CRB1: variants seen among roughly 807,000 people sequenced by gnomAD.
The protein encoded by CRB1 is protein crumbs homolog 1.
CRB1 carries 83 observed loss-of-function variants against 120.0 expected under a neutral mutation model. The ratio of observed to expected loss-of-function variants is 0.69; its 90% CI spans 0.58 to 0.83. CRB1 has a LOEUF of 0.83. Among genes scored for constraint, CRB1 ranks in the 40% least tolerant of loss-of-function variants. The pLI, the probability that CRB1 is intolerant of heterozygous loss-of-function variation, is 0.00. For missense variants in CRB1, 1,699 were observed against 1,687.6 expected (o/e 1.01, Z -0.12); for synonymous variants, 625 against 612.5 (o/e 1.02, Z -0.30).
chr1:197,380,104 C>T (rs904664570), intron 5 of CRB1, among the ~76,000 whole-genome samples: 3 of 152,180 alleles, frequency 2.0e-5, no homozygotes, highest in African/African-American at 7.2e-5. Context: ...AGATTTTCTA[C>T]TTAACACCTC....
At chr1:197,205,166 A>G in the CRB1 span, among the ~76,000 whole-genome samples, 1 of 152,144 alleles carries the variant, frequency 6.6e-6, no homozygotes, top group Non-Finnish European at 1.5e-5. Flanking sequence ...TTTTGGAGTA[A>G]TGTGTAGGGT....
rs966755966 is a variant in CRB1 at position 197,388,751 on chromosome 1, A to C, written c.1171+31738A>C. ...AAATGCTTCATGAGAGAATTGCTAC[A>C]TTTCTTTATTTTTAAAATGAAATTA... On this transcript the variant is annotated intron_variant, in intron 5 of 11. Coordinates refer to ENST00000367400, the MANE Select transcript of CRB1 (RefSeq NM_201253.3). Among the ~76,000 whole-genome samples, 7 of 152,106 alleles carry C rather than the reference A, an allele frequency of 4.6e-5. 1 individual carries two copies. Among genetic ancestry groups the C allele is most frequent in the Admixed American group, 4.6e-4 (7 of 15,264 alleles).
At chr1:197,399,007 G>C (rs776121539) in intron 5 of CRB1, among the ~76,000 whole-genome samples, 6 of 151,420 alleles carry the variant, frequency 4.0e-5, no homozygotes, top group Admixed American at 3.9e-4. Context: ...CAGAAGTAAA[G>C]AAGGATTCAA....
chr1:197,463,540 G>T (rs182336214), intron 11 of CRB1, among the ~76,000 whole-genome samples: 1 of 152,138 alleles, frequency 6.6e-6, no homozygotes, highest in African/African-American at 2.4e-5. Context: ...TAGATTTGGG[G>T]TTACATTTAT....
chr1:197,263,228 G>A (rs1366831855), upstream of CRB1, among the ~76,000 whole-genome samples: 1 of 152,120 alleles, frequency 6.6e-6, no homozygotes, highest in Non-Finnish European at 1.5e-5. Flanking sequence ...CTTTCTGACT[G>A]GTGTGAGATG....
rs189651617 is a variant in CRB1 at position 197,394,501 on chromosome 1, C to G, written c.1172-26499C>G. On this transcript the variant is annotated intron_variant, in intron 5 of 11. Coordinates refer to ENST00000367400, the MANE Select transcript of CRB1 (RefSeq NM_201253.3). ...ATGATGTTCAAGGGTCAACTGTATA[C>G]CTTTTATATCTACATACCATAGATA... 6.0e-3 allele frequency among the ~76,000 whole-genome samples: 914 copies of G among 151,994 alleles called. 8 individuals are homozygous for G. Among genetic ancestry groups the G allele is most frequent in the Non-Finnish European group, 9.4e-3 (639 of 67,956 alleles).
At chr1:197,238,161 A>G in the CRB1 span, among the ~76,000 whole-genome samples, 1 of 152,068 alleles carries the variant, frequency 6.6e-6, no homozygotes, top group Non-Finnish European at 1.5e-5. Flanking sequence ...TTTTTCTGTT[A>G]TCTTTCTATT....
At chr1:197,202,446 A>G in the CRB1 span, among the ~76,000 whole-genome samples, 5 of 152,224 alleles carry the variant, frequency 3.3e-5, no homozygotes, top group Non-Finnish European at 7.3e-5. Flanking sequence ...TAGAAAAAGG[A>G]TGGTAGTCTG....
chr1:197,269,199 G>A (rs1340851038), intron 1 of CRB1, among the ~76,000 whole-genome samples: 1 of 152,210 alleles, frequency 6.6e-6, no homozygotes, highest in Non-Finnish European at 1.5e-5. Flanking sequence ...CGAAGACAGG[G>A]AGAGTGTGTG....
intron 2 of CRB1, among the ~76,000 whole-genome samples, chr1:197,342,839 G>A (rs1659547630): frequency 1.3e-5 from 2 of 152,130 alleles, no homozygotes; most frequent in African/African-American, 4.8e-5. Context: ...TGTTAGTAGT[G>A]ATAGAGCAGA....
intron 11 of CRB1, among the ~76,000 whole-genome samples, chr1:197,462,312 G>T (rs763377343): frequency 1.3e-5 from 2 of 152,178 alleles, no homozygotes; most frequent in Non-Finnish European, 2.9e-5. Flanking sequence ...ACATATAGTG[G>T]AATATGTGTG....
chr1:197,414,909 T>C (rs1663896357), intron 5 of CRB1, among the ~76,000 whole-genome samples: 1 of 152,224 alleles, frequency 6.6e-6, no homozygotes, highest in African/African-American at 2.4e-5. Context: ...AGTAAAAGCA[T>C]AAATCGCTGT....
intron 8 of CRB1, among the ~76,000 whole-genome samples, chr1:197,433,668 A>G: frequency 6.6e-6 from 1 of 152,150 alleles, no homozygotes; most frequent in Admixed American, 6.6e-5. Flanking sequence ...TTTAAGATTA[A>G]AGCAATTACA....
intron 9 of CRB1, among the ~76,000 whole-genome samples, chr1:197,436,381 T>A (rs529626436): frequency 6.6e-6 from 1 of 152,180 alleles, no homozygotes; most frequent in South Asian, 2.1e-4. Flanking sequence ...GGGTTGGTTT[T>A]GCTGTCTCAG....
At position 197,438,597 on chromosome 1, in the gene CRB1, C is replaced by T. The variant is rs751557033; in HGVS notation, c.3800C>T (p.Thr1267Ile). 35 of 1,612,872 alleles carry T rather than the reference C, an allele frequency of 2.2e-5. No homozygotes were observed. The highest frequency in any genetic ancestry group is 1.8e-5 in the Non-Finnish European group (21 of 1,179,136). ...TVCGNEKTNL[T>I]CYNGGNCTEF... ...TGTGGGAATGAGAAGACAAATCTCA[C>T]TTGCTACAATGGAGGCAACTGCACA... The change falls in exon 10 of 12, where the codon ACT becomes ATT. Residue 1267 changes from threonine (T) to isoleucine (I), a missense_variant. By Grantham distance (89) the Thr-to-Ile change is moderately conservative. Transcript: ENST00000367400.
chr1:197,406,868 T>C (rs983606143), intron 5 of CRB1, among the ~76,000 whole-genome samples: 5 of 152,176 alleles, frequency 3.3e-5, no homozygotes, highest in African/African-American at 1.2e-4. Context: ...CCTTTTCCAG[T>C]TCTCACAACA....
the CRB1 span, among the ~76,000 whole-genome samples, chr1:197,235,541 C>T: frequency 7.9e-5 from 12 of 152,140 alleles, no homozygotes; most frequent in Non-Finnish European, 1.5e-4. Flanking sequence ...CCATGTGCCT[C>T]AGTGGATAGG....
Position 197,426,103 on chromosome 1 carries a change from C to T in CRB1, c.2129-1351C>T, listed in dbSNP as rs1003637528. Among the ~76,000 whole-genome samples, 35 of 151,824 alleles carry T rather than the reference C, an allele frequency of 2.3e-4. 1 individual carries two copies. Among genetic ancestry groups the T allele is most frequent in the South Asian group, 2.1e-4 (1 of 4,802 alleles). ...AAAATCTTTTCCTCCAGTTTTCTTC[C>T]GTATCTCTGCAAATAGAAAGTCCAT... On this transcript the variant is annotated intron_variant, in intron 6 of 11. Coordinates refer to ENST00000367400, the MANE Select transcript of CRB1 (RefSeq NM_201253.3).
chr1:197,381,401 G>C (rs1487473407), intron 5 of CRB1, among the ~76,000 whole-genome samples: 1 of 152,134 alleles, frequency 6.6e-6, no homozygotes, highest in Non-Finnish European at 1.5e-5. Context: ...TAAACATGCA[G>C]ACATAATCAT....
Sources: allele counts gnomAD v4.1 joint callset (sites outside exome capture counted in the v4.1 genomes callset), GRCh38; gene constraint gnomAD v4.1.1; transcripts MANE v1.5; gene names NCBI Gene and HGNC (gene_info 2026-07-23, HGNC 2026-07-21).